The following LRRIQ3 variants were observed in gnomAD, a reference collection of about 807,000 sequenced individuals.
The protein encoded by LRRIQ3 is leucine rich repeats and IQ motif containing 3.
Under a neutral mutation model 59.3 loss-of-function variants are expected in LRRIQ3, and 75 were observed. The ratio of observed to expected loss-of-function variants is 1.26; its 90% CI spans 1.05 to 1.53. The LOEUF (loss-of-function observed/expected upper bound fraction) is 1.53. LRRIQ3 is among the 40% of genes most tolerant of loss of function. The probability of loss-of-function intolerance (pLI) is 0.00; values close to 1 mark genes in which losing one functional copy is unlikely to be tolerated. For synonymous variants in LRRIQ3, 250 were observed against 231.3 expected, an observed-to-expected ratio of 1.08 and a Z score of -0.73; for missense variants, 831 against 710.0, an observed-to-expected ratio of 1.17 and a Z score of -1.94.
chr1:74,166,955 G>T (rs186461973), intron 3 of LRRIQ3, among the ~76,000 whole-genome samples: 166 of 151,442 alleles, frequency 1.1e-3, no homozygotes, highest in Admixed American at 7.4e-3. Context: ...AATAATAGAC[G>T]CTGGCGTGGA....
chr1:74,078,273 TG>T (rs763697049), intron 5 of LRRIQ3, among the ~76,000 whole-genome samples: 8 of 151,866 alleles, frequency 5.3e-5, no homozygotes, highest in Non-Finnish European at 1.0e-4. Context: ...TCATGATACA[TG>T]GTTCTGTTTT....
intron 5 of LRRIQ3, among the ~76,000 whole-genome samples, chr1:74,103,396 G>A (rs557221600): frequency 2.0e-5 from 3 of 151,848 alleles, no homozygotes; most frequent in East Asian, 3.9e-4. Flanking sequence ...ACCCTAAAAT[G>A]AGAGTTATAC....
chr1:74,064,442 G>A (rs1324963211), intron 6 of LRRIQ3, among the ~76,000 whole-genome samples: 2 of 151,952 alleles, frequency 1.3e-5, no homozygotes, highest in Non-Finnish European at 2.9e-5. Context: ...AAGAGAAAAG[G>A]AGAAGAAAGG....
At chr1:74,133,111 A>G (rs567997055) in intron 4 of LRRIQ3, among the ~76,000 whole-genome samples, 1 of 152,318 alleles carries the variant, frequency 6.6e-6, no homozygotes, top group African/African-American at 2.4e-5. Flanking sequence ...ACATGAAAAA[A>G]TGCTCATCAT....
At chr1:74,183,765 G>C in intron 1 of LRRIQ3, 81 bp from the exon 2 acceptor site, 1 of 1,221,608 alleles carries the variant, frequency 8.2e-7, no homozygotes, top group South Asian at 1.9e-5. Flanking sequence ...TTTGCCAAGA[G>C]ATAGCGCAAG....
intron 3 of LRRIQ3, among the ~76,000 whole-genome samples, chr1:74,163,315 T>C (rs978026425): frequency 2.6e-5 from 4 of 151,564 alleles, no homozygotes; most frequent in Non-Finnish European, 5.9e-5. Context: ...TGTGTGAAAC[T>C]TCCCACACTA....
At chr1:74,170,062 A>G (rs1649227887) in intron 3 of LRRIQ3, among the ~76,000 whole-genome samples, 1 of 152,108 alleles carries the variant, frequency 6.6e-6, no homozygotes, top group African/African-American at 2.4e-5. Context: ...AGTTCCTTAT[A>G]TAATTTAGAA....
chr1:74,182,966 C>A (rs1439304919), intron 2 of LRRIQ3, 105 bp from the exon 3 acceptor site: 3 of 602,998 alleles, frequency 5.0e-6, no homozygotes, highest in Non-Finnish European at 8.0e-6. Flanking sequence ...CCCCAAATAG[C>A]AAGTTTCTAA....
In LRRIQ3 at chr1:74,138,884, A is replaced by T. The variant is rs570713989; in HGVS notation, c.707+16849T>A. 9.9e-4 allele frequency among the ~76,000 whole-genome samples: 150 copies of T among 151,730 alleles called. 1 individual carries two copies. Among genetic ancestry groups the T allele is most frequent in the African/African-American group, 3.5e-3 (146 of 41,434 alleles). On this transcript the variant is annotated intron_variant, in intron 4 of 7. Transcript: ENST00000354431. ...CTCCAATACAGCCCCCAGTCCACTT[A>T]TCATAGAAAATAGGAGAGTGGCTGG...
intron 3 of LRRIQ3, among the ~76,000 whole-genome samples, chr1:74,175,335 C>T (rs6702487): frequency 0.53 from 79,896 of 151,994 alleles, 21,399 homozygotes; most frequent in East Asian, 0.82. Context: ...CTACCCTCCC[C>T]CTTTTTTTGT....
In LRRIQ3 at chr1:74,109,146, TA is replaced by T. The variant is rs1314614057; in HGVS notation, c.867+247del. 17 of 235,334 alleles carry T rather than the reference TA, an allele frequency of 7.2e-5. No individual in the cohort carries two copies. In the Admixed American group the frequency reaches 7.6e-4, roughly 10 times the overall value. 14.6% of individuals were successfully genotyped at this position (235,334 alleles called of 1,614,324 possible). On this transcript the variant is annotated intron_variant, in intron 5 of 7. Transcript: ENST00000354431. ...ATTATTACTACTTGTAAAAACTAAA[TA>T]AAAAATTATATATATAAAGCATAAA...
At chr1:74,130,443 C>T (rs1646996962) in intron 4 of LRRIQ3, among the ~76,000 whole-genome samples, 1 of 152,118 alleles carries the variant, frequency 6.6e-6, no homozygotes, top group African/African-American at 2.4e-5. Flanking sequence ...CTCCCAAGTG[C>T]AGATTCTCTT....
chr1:74,063,082 ATC>A (rs1491210643), intron 6 of LRRIQ3, among the ~76,000 whole-genome samples: 162 of 151,850 alleles, frequency 1.1e-3, no homozygotes, highest in Non-Finnish European at 1.4e-3. Flanking sequence ...AACAAAAAAA[ATC>A]AAAACAAAAC....
intron 3 of LRRIQ3, among the ~76,000 whole-genome samples, chr1:74,175,558 C>T (rs1649588764): frequency 6.6e-6 from 1 of 152,150 alleles, no homozygotes; most frequent in Non-Finnish European, 1.5e-5. Context: ...GAAAGGGTGA[C>T]ACAAGTAAAG....
intron 4 of LRRIQ3, among the ~76,000 whole-genome samples, chr1:74,111,506 C>T (rs1398324011): frequency 6.6e-6 from 1 of 151,862 alleles, no homozygotes; most frequent in Non-Finnish European, 1.5e-5. Flanking sequence ...GAGCTTTGAG[C>T]AGAAGAGTGG....
chr1:74,175,444 G>A (rs558454970), intron 3 of LRRIQ3, among the ~76,000 whole-genome samples: 2 of 152,230 alleles, frequency 1.3e-5, no homozygotes, highest in African/African-American at 2.4e-5. Flanking sequence ...GCAACACCCT[G>A]AAATGCTGAG....
chr1:74,042,824 A>G (rs564797554), intron 6 of LRRIQ3, among the ~76,000 whole-genome samples: 6 of 152,150 alleles, frequency 3.9e-5, no homozygotes, highest in East Asian at 1.9e-4. Context: ...TGTGAACACA[A>G]TTGTTATGTG....
chr1:74,110,269 T>C (rs536601627), intron 4 of LRRIQ3, among the ~76,000 whole-genome samples: 1 of 152,030 alleles, frequency 6.6e-6, no homozygotes, highest in African/African-American at 2.4e-5. Context: ...TGCCTACTGG[T>C]CTAATAAGGC....
chr1:74,142,744 T>C (rs113096642), intron 4 of LRRIQ3, among the ~76,000 whole-genome samples: 14 of 152,128 alleles, frequency 9.2e-5, no homozygotes, highest in African/African-American at 2.2e-4. Context: ...CTGTTACATC[T>C]TGAATCATTA....
Sources: allele counts gnomAD v4.1 joint callset (sites outside exome capture counted in the v4.1 genomes callset), GRCh38; gene constraint gnomAD v4.1.1; transcripts MANE v1.5; gene names NCBI Gene and HGNC (gene_info 2026-07-23, HGNC 2026-07-21).